TARS3: variants seen among roughly 807,000 people sequenced by gnomAD.
TARS3 encodes threonine--tRNA ligase 2, cytoplasmic.
In TARS3, 94 loss-of-function variants were observed where a neutral mutation model predicts 103.5. The ratio of observed to expected loss-of-function variants is 0.91; its 90% CI spans 0.77 to 1.08. The LOEUF (loss-of-function observed/expected upper bound fraction) is 1.08. TARS3 is among the 50% of genes least tolerant of loss of function. The pLI is 0.00. For synonymous variants in TARS3, 416 were observed against 355.4 expected (o/e 1.17, Z -1.92); for missense variants, 952 against 995.2 (o/e 0.96, Z 0.58).
rs187456560 is a variant in TARS3, at chr15:101,701,138, A to T, written c.1268T>A (p.Phe423Tyr). The change falls in exon 10 of 19, where the codon TTT becomes TAT. Residue 423 changes from phenylalanine to tyrosine, a missense_variant. Phe to Tyr is a conservative substitution (Grantham distance 22). Coordinates refer to ENST00000335968, the MANE Select transcript of TARS3 (RefSeq NM_152334.3). ...AATGAAGGCTCCTCTGGGAAGGAAA[A>T]AACAGCTTCCAGGACTCAAATCGTG... Reference protein sequence around the residue: ...FFHDLSPGSCFFLPRGAFIYN... With the variant: ...FFHDLSPGSCYFLPRGAFIYN... The T allele has an allele frequency of 6.3e-7, 1 of 1,599,114 alleles. No homozygotes were observed. Among genetic ancestry groups the T allele is most frequent in the East Asian group, 2.2e-5 (1 of 44,686 alleles).
intron 3 of TARS3, among the ~76,000 whole-genome samples, chr15:101,719,769 A>T (rs1364719999): frequency 1.3e-5 from 2 of 152,248 alleles, no homozygotes; most frequent in Non-Finnish European, 2.9e-5. Flanking sequence ...AGGAGACAGC[A>T]GATCAACAAG....
chr15:101,656,026 G>C, intron 18 of TARS3: 1 of 1,289,108 alleles, frequency 7.8e-7, no homozygotes, highest in East Asian at 5.5e-5. Flanking sequence ...CCGGTCTGCA[G>C]ATAAGTGGAA....
intron 10 of TARS3, among the ~76,000 whole-genome samples, chr15:101,699,800 T>C (rs1364113130): frequency 2.6e-5 from 4 of 152,124 alleles, no homozygotes; most frequent in Non-Finnish European, 5.9e-5. Context: ...AAACAGAGAA[T>C]AACCAGTGCA....
intron 10 of TARS3, chr15:101,695,920 A>C (rs1567342682): frequency 6.6e-6 from 1 of 152,114 alleles, no homozygotes; most frequent in Non-Finnish European, 1.5e-5. Flanking sequence ...AAAAAATAAA[A>C]TAAAAAAATA....
In TARS3 at chr15:101,661,595, T is replaced by C; in HGVS notation, c.2072+117A>G. ...AGGCCCTTTCTTTTGTTACTACTTTTTTCTTTTACACATGATTTTTTAAGA... is the reference window on the plus strand; with the variant it reads ...AGGCCCTTTCTTTTGTTACTACTTTCTTCTTTTACACATGATTTTTTAAGA... On this transcript the variant is annotated intron_variant, in intron 16 of 18. Transcript: ENST00000335968. 3 of 642,742 alleles carry C rather than the reference T, an allele frequency of 4.7e-6. No homozygotes were observed. The South Asian group carries it at 8.2e-5, about 17-fold the overall frequency. The allele number at this position is 642,742 out of a possible 1,614,324, so 39.8% of individuals were successfully genotyped here. A position where few individuals can be genotyped will look rare whatever the true frequency, so the allele number is the denominator to read the frequency against.
At chr15:101,675,397 A>G (rs543557273) in intron 13 of TARS3, among the ~76,000 whole-genome samples, 1 of 152,250 alleles carries the variant, frequency 6.6e-6, no homozygotes, top group Non-Finnish European at 1.5e-5. Context: ...TATGAACTTT[A>G]AGTGTGAAGC....
In TARS3 at chr15:101,701,968, G is replaced by A. The variant is rs574387243; in HGVS notation, c.1221+271C>T. Among the ~76,000 whole-genome samples, 5 of 152,148 alleles carry A rather than the reference G, an allele frequency of 3.3e-5. No homozygotes were observed. The East Asian group carries it at 7.7e-4, about 24-fold the overall frequency. ...TTTTTTTGTATTTCTAGTAGAGGTG[G>A]GGTTTCACCAAAAACAACTTTATTT... On this transcript the variant is annotated intron_variant, in intron 9 of 18. Transcript: ENST00000335968.
Position 101,717,082 on chromosome 15 carries a change from C to T in TARS3, c.567-2119G>A, listed in dbSNP as rs533227848. On this transcript the variant is annotated intron_variant, in intron 3 of 18. Transcript: ENST00000335968. ...CTGTTGGCCAGGCTGGTCTCAAACT[C>T]CTGACCCCAAGTGATCTGCCCACCT... 1.4e-4 allele frequency among the ~76,000 whole-genome samples: 21 copies of T among 152,252 alleles called. 1 individual carries two copies. The highest frequency in any genetic ancestry group is 5.1e-4 in the African/African-American group (21 of 41,564).
intron 17 of TARS3, 69 bp downstream of exon 17, chr15:101,657,716 A>G (rs1897240635): frequency 1.9e-6 from 2 of 1,045,982 alleles, no homozygotes; most frequent in Non-Finnish European, 2.8e-6. Context: ...CATGAAGGAC[A>G]CTCCAAATCG....
intron 9 of TARS3, among the ~76,000 whole-genome samples, chr15:101,701,410 G>A (rs1899269254): frequency 6.6e-6 from 1 of 152,142 alleles, no homozygotes; most frequent in African/African-American, 2.4e-5. Context: ...GCTATTCTCT[G>A]CGAATTTTCT....
intron 15 of TARS3, among the ~76,000 whole-genome samples, chr15:101,671,057 AACACAC>A (rs66771228): frequency 6.6e-6 from 1 of 150,548 alleles, no homozygotes; most frequent in Non-Finnish European, 1.5e-5. Flanking sequence ...CTGTACACAC[AACACAC>A]ACACACACAC....
intron 18 of TARS3, chr15:101,656,130 T>G: frequency 9.1e-7 from 1 of 1,101,086 alleles, no homozygotes; most frequent in Non-Finnish European, 1.2e-6. Context: ...AGCTCCTGAT[T>G]GCTCTTCTAG....
At chr15:101,721,074 G>A in intron 3 of TARS3, 52 bp downstream of exon 3, 4 of 1,467,526 alleles carry the variant, frequency 2.7e-6, no homozygotes, top group Non-Finnish European at 2.8e-6. Flanking sequence ...ATTTTCACCA[G>A]GCTTCAGTAT....
At chr15:101,721,648 C>A (rs1039988801) in intron 2 of TARS3, among the ~76,000 whole-genome samples, 5 of 152,166 alleles carry the variant, frequency 3.3e-5, no homozygotes, top group African/African-American at 9.7e-5. Flanking sequence ...GCACGCACCA[C>A]CCTGCCAGAC....
chr15:101,665,954 G>A (rs1897562801), intron 15 of TARS3, among the ~76,000 whole-genome samples: 1 of 152,182 alleles, frequency 6.6e-6, no homozygotes. Flanking sequence ...GAAAAAACAA[G>A]TTGATAGAAC....
intron 3 of TARS3, among the ~76,000 whole-genome samples, chr15:101,715,178 G>A (rs4965917): frequency 0.32 from 46,719 of 144,018 alleles, 9,175 homozygotes; most frequent in Non-Finnish European, 0.45. Flanking sequence ...ACGGAGTCTC[G>A]CTCTGTCGCC....
At position 101,723,091 on chromosome 15, in the gene TARS3, ACCTCGCTGTCAG is replaced by A; in HGVS notation, c.359_369+1del. Reference sequence around the variant, plus strand: ...TATATTGTTTCCACAGCAACAACTTACCTCGCTGTCAGCCTCGCTTTCCTTCATTTTCTTCTT... The same window carrying A: ...TATATTGTTTCCACAGCAACAACTTACCTCGCTTTCCTTCATTTTCTTCTT... On this transcript the variant is annotated splice_donor_variant and coding_sequence_variant, in exon 2 of 19. Transcript: ENST00000335968. LOFTEE classifies it high-confidence loss of function. 1 of 1,613,936 alleles carries A rather than the reference ACCTCGCTGTCAG, an allele frequency of 6.2e-7. No individual in the cohort carries two copies. The highest frequency in any genetic ancestry group is 1.7e-5 in the Admixed American group (1 of 60,030).
At chr15:101,682,256 G>C (rs1042068600) in intron 12 of TARS3, among the ~76,000 whole-genome samples, 32 of 152,172 alleles carry the variant, frequency 2.1e-4, no homozygotes, top group African/African-American at 7.5e-4. Flanking sequence ...GAGGTTAGCT[G>C]TAGGTTTTTC....
At position 101,708,867 on chromosome 15, in the gene TARS3, T is replaced by C; in HGVS notation, c.856A>G (p.Lys286Glu). The change falls in exon 6 of 19, where the codon AAA becomes GAA. Residue 286 changes from lysine to glutamate, a missense_variant. Around this residue, in one of 2 missense-constraint regions of TARS3, gnomAD observed 540 missense variants for 631.0 expected, o/e 0.86. Transcript: ENST00000335968. ...GGTTGCTTTTCTTTTATGATGGCTT[T>C]ACATATATTCTCCAGGGCTGACAAT... ...TELSALENIC[K>E]AIIKEKQPFE... 1 of 1,612,724 alleles carries C rather than the reference T, an allele frequency of 6.2e-7. No homozygotes were observed. Among genetic ancestry groups the C allele is most frequent in the Non-Finnish European group, 8.5e-7 (1 of 1,179,580 alleles).
Sources: gnomAD v4.1 joint callset for allele counts (sites outside exome capture counted in the v4.1 genomes callset) on GRCh38, gnomAD v4.1.1 for gene constraint, gnomAD v4.1.1 regional missense constraint, MANE v1.5 for transcripts, NCBI Gene and HGNC (gene_info 2026-07-23, HGNC 2026-07-21) for gene names.